Variants in TMEM163 observed in about 807,000 individuals in gnomAD.
TMEM163 encodes transmembrane protein 163.
TMEM163 carries 17 observed loss-of-function variants against 29.3 expected under a neutral mutation model. That is an observed-to-expected ratio of 0.58 (90% CI 0.40 to 0.87). TMEM163 has a LOEUF of 0.87. Among genes scored for constraint, TMEM163 ranks in the 40% least tolerant of loss-of-function variants. TMEM163 has a pLI of 0.00. For synonymous variants in TMEM163, 157 were observed against 160.6 expected, an observed-to-expected ratio of 0.98 and a Z score of 0.17; for missense variants, 303 against 381.5, an observed-to-expected ratio of 0.79 and a Z score of 1.71.
Position 134,492,354 on chromosome 2 carries a change from C to CTCAT in TMEM163, c.555+10543_555+10546dup, listed in dbSNP as rs112136519. On this transcript the variant is annotated intron_variant, in intron 5 of 7. Coordinates refer to ENST00000281924, the MANE Select transcript of TMEM163 (RefSeq NM_030923.5). Reference sequence around the variant, plus strand: ...CCACAGTCCCTGGGTGCACCTGAACCTCATATACTTAAAGTATACACCTTG... The same window carrying CTCAT: ...CCACAGTCCCTGGGTGCACCTGAACCTCATTCATATACTTAAAGTATACACCTTG... Among the ~76,000 whole-genome samples the CTCAT allele has an allele frequency of 1.3e-4, 20 of 152,314 alleles. 1 individual carries two copies. The highest frequency in any genetic ancestry group is 5.2e-4 in the Admixed American group (8 of 15,300).
intron 2 of TMEM163, among the ~76,000 whole-genome samples, chr2:134,595,201 T>G (rs1682045171): frequency 6.6e-6 from 1 of 152,074 alleles, no homozygotes; most frequent in African/African-American, 2.4e-5. Flanking sequence ...GCCATGTTGG[T>G]GTGCTGCACC....
chr2:134,710,516 A>G (rs1002059265), intron 2 of TMEM163, among the ~76,000 whole-genome samples: 16 of 152,170 alleles, frequency 1.1e-4, no homozygotes, highest in African/African-American at 3.6e-4. Context: ...GAGAATGGCC[A>G]TAGGATGACC....
chr2:134,699,083 T>C (rs563623508), intron 2 of TMEM163, among the ~76,000 whole-genome samples: 36 of 152,362 alleles, frequency 2.4e-4, no homozygotes, highest in African/African-American at 7.5e-4. Flanking sequence ...GAAATTTTTT[T>C]CACATTTTAA....
intron 2 of TMEM163, among the ~76,000 whole-genome samples, chr2:134,661,935 T>C (rs1047288226): frequency 2.8e-5 from 4 of 140,776 alleles, no homozygotes; most frequent in African/African-American, 8.1e-5. Context: ...CTTTCTTTTT[T>C]TTTTTTTTTT....
intron 5 of TMEM163, among the ~76,000 whole-genome samples, chr2:134,474,072 A>G (rs1280432294): frequency 1.3e-5 from 2 of 152,224 alleles, no homozygotes; most frequent in Non-Finnish European, 2.9e-5. Context: ...AAAACTACAG[A>G]CCAATAGCTC....
chr2:134,504,878 G>A (rs535313138), intron 4 of TMEM163, among the ~76,000 whole-genome samples: 45 of 152,298 alleles, frequency 3.0e-4, no homozygotes, highest in African/African-American at 8.2e-4. Flanking sequence ...TGAACCTACT[G>A]GAGGGCCCTT....
chr2:134,586,674 A>C (rs542317698), intron 2 of TMEM163, among the ~76,000 whole-genome samples: 1 of 152,322 alleles, frequency 6.6e-6, no homozygotes, highest in Admixed American at 6.5e-5. Context: ...CCCATGACAG[A>C]GCTGTTGACA....
chr2:134,574,784 C>T (rs941397501), intron 2 of TMEM163, among the ~76,000 whole-genome samples: 82 of 152,124 alleles, frequency 5.4e-4, no homozygotes, highest in African/African-American at 1.9e-3. Flanking sequence ...AGCAGACTGC[C>T]AGATGGCTCG....
chr2:134,521,507 T>C (rs1680188970), intron 4 of TMEM163, among the ~76,000 whole-genome samples: 2 of 152,174 alleles, frequency 1.3e-5, no homozygotes, highest in African/African-American at 4.8e-5. Flanking sequence ...CAAAGAATTA[T>C]CTGGTCCAAA....
At chr2:134,581,404 T>C (rs1375388804) in intron 2 of TMEM163, among the ~76,000 whole-genome samples, 2 of 152,354 alleles carry the variant, frequency 1.3e-5, no homozygotes, top group East Asian at 1.9e-4. Flanking sequence ...CAACACATCA[T>C]GCTTATCTCT....
intron 1 of TMEM163, among the ~76,000 whole-genome samples, 170 bp downstream of exon 1, chr2:134,718,564 G>C: frequency 6.6e-6 from 1 of 152,190 alleles, no homozygotes; most frequent in East Asian, 1.9e-4. Context: ...GCCGGCCGCA[G>C]AAGGTGGGGC....
intron 1 of TMEM163, among the ~76,000 whole-genome samples, chr2:134,716,023 T>A (rs1685030834): frequency 6.6e-6 from 1 of 152,176 alleles, no homozygotes; most frequent in Admixed American, 6.5e-5. Context: ...ATTTCTACAC[T>A]AGTATGCATT....
chr2:134,505,261 T>TA (rs1218400253), intron 4 of TMEM163, among the ~76,000 whole-genome samples: 36 of 139,684 alleles, frequency 2.6e-4, no homozygotes, highest in Admixed American at 7.5e-4. Flanking sequence ...TTTTTTTTTT[T>TA]AAAGTTTCCT....
chr2:134,519,483 G>T (rs1446106811), intron 4 of TMEM163, among the ~76,000 whole-genome samples: 1 of 152,048 alleles, frequency 6.6e-6, no homozygotes, highest in Non-Finnish European at 1.5e-5. Context: ...AGGCCGAGGC[G>T]GGCAGATCAT....
At chr2:134,623,632 T>C (rs932664392) in intron 2 of TMEM163, among the ~76,000 whole-genome samples, 1 of 152,110 alleles carries the variant, frequency 6.6e-6, no homozygotes, top group Non-Finnish European at 1.5e-5. Flanking sequence ...CCTGGCATGA[T>C]GGCAGGTGCC....
intron 2 of TMEM163, among the ~76,000 whole-genome samples, chr2:134,628,016 A>C (rs1682890236): frequency 6.6e-6 from 1 of 152,234 alleles, no homozygotes; most frequent in Non-Finnish European, 1.5e-5. Context: ...AGAAATGATA[A>C]CGGGTTTATT....
At chr2:134,609,899 C>T (rs1034916113) in intron 2 of TMEM163, among the ~76,000 whole-genome samples, 3 of 151,798 alleles carry the variant, frequency 2.0e-5, no homozygotes, top group African/African-American at 7.3e-5. Context: ...GGACAGACCC[C>T]GAGAACTGTG....
rs55692545 is a variant in TMEM163, at chr2:134,631,985, G to A, written c.323-79894C>T. 3.8e-3 allele frequency among the ~76,000 whole-genome samples: 573 copies of A among 152,228 alleles called. 1 individual carries two copies. Among genetic ancestry groups the A allele is most frequent in the Non-Finnish European group, 6.1e-3 (416 of 68,012 alleles). On this transcript the variant is annotated intron_variant, in intron 2 of 7. Coordinates refer to ENST00000281924, the MANE Select transcript of TMEM163 (RefSeq NM_030923.5). ...GTATGACAAGTTCATCAGTCACCAC[G>A]GTACATGTAGGAGCTAAATTCCACA...
intron 2 of TMEM163, among the ~76,000 whole-genome samples, chr2:134,621,970 A>G (rs1261283050): frequency 6.6e-6 from 1 of 152,206 alleles, no homozygotes; most frequent in Non-Finnish European, 1.5e-5. Context: ...TCAATAATTA[A>G]AAAGAACAAG....
Sources: allele counts gnomAD v4.1 joint callset (sites outside exome capture counted in the v4.1 genomes callset), GRCh38; gene constraint gnomAD v4.1.1; transcripts MANE v1.5; gene names NCBI Gene and HGNC (gene_info 2026-07-23, HGNC 2026-07-21).